TSTD2: variants seen among roughly 807,000 people sequenced by gnomAD.
TSTD2 encodes thiosulfate sulfurtransferase like domain containing 2.
TSTD2 carries 37 observed loss-of-function variants against 47.9 expected under a neutral mutation model. The observed-to-expected ratio is 0.77, with a 90% CI of 0.59 to 1.02. TSTD2 has a LOEUF of 1.02. Among genes scored for constraint, TSTD2 ranks in the 50% least tolerant of loss-of-function variants. The probability of loss-of-function intolerance (pLI) is 0.00; values close to 1 mark genes in which losing one functional copy is unlikely to be tolerated. For synonymous variants in TSTD2, 201 were observed against 215.9 expected (o/e 0.93, Z 0.61); for missense variants, 586 against 616.0 (o/e 0.95, Z 0.52).
At chr9:97,621,925 G>A (rs774688789) in intron 3 of TSTD2, among the ~76,000 whole-genome samples, 3 of 151,988 alleles carry the variant, frequency 2.0e-5, no homozygotes, top group Admixed American at 6.6e-5. Context: ...TTCCCTTTTT[G>A]AAATCCCTAA....
chr9:97,604,857 G>A lies in TSTD2; in HGVS notation c.1122C>T (p.Cys374=), dbSNP rs766445974. ...CACCCTTGAGCTGGAACACCTCCTT[G>A]CACACTCCCTAGGTGTGGAAAAACA... is the stretch of plus-strand genomic sequence containing the variant. ...GSAYLKAKGV[C]KEVFQLKGGI... Residue 374 remains cysteine, a synonymous_variant, in exon 9 of 10, where the codon TGC becomes TGT. Coordinates refer to ENST00000341170, the MANE Select transcript of TSTD2 (RefSeq NM_139246.5). The A allele has an allele frequency of 1.2e-6, 2 of 1,613,972 alleles. No homozygotes were observed. The highest frequency in any genetic ancestry group is 1.1e-5 in the South Asian group (1 of 91,076).
rs1305889578 is a variant in TSTD2, at chr9:97,625,698, G to A, written c.465C>T (p.Asn155=). ...SAWLPDISCF[N]PDELISGQGS... ...AATCTTACCTTATCAGCTCATCAGG[G>A]TTAAAGCAGCTTATATCAGGGAGCC... The change falls in exon 3 of 10, where the codon AAC becomes AAT. Residue 155 remains asparagine (N), a synonymous_variant. Coordinates refer to ENST00000341170, the MANE Select transcript of TSTD2 (RefSeq NM_139246.5). 6.2e-7 allele frequency: 1 copy of A among 1,612,962 alleles called. No individual in the cohort carries two copies. Among genetic ancestry groups the A allele is most frequent in the Admixed American group, 1.7e-5 (1 of 59,858 alleles).
chr9:97,604,969 A>T (rs761471653), intron 8 of TSTD2, 104 bp from the exon 9 acceptor site: 84 of 1,501,110 alleles, frequency 5.6e-5, no homozygotes, highest in Non-Finnish European at 6.9e-5. Flanking sequence ...TAGAGGACTC[A>T]TGGCCGCTGC....
chr9:97,621,725 G>A (rs1826640285), intron 3 of TSTD2, among the ~76,000 whole-genome samples: 1 of 152,148 alleles, frequency 6.6e-6, no homozygotes, highest in African/African-American at 2.4e-5. Flanking sequence ...CTGGTTCTGT[G>A]CTCTTGAACC....
At chr9:97,632,710 C>G (rs1298071341) in intron 1 of TSTD2, among the ~76,000 whole-genome samples, 3 of 152,194 alleles carry the variant, frequency 2.0e-5, no homozygotes, top group Non-Finnish European at 4.4e-5. Context: ...TTAAACAAAG[C>G]AGTAACACGA....
rs546277807 is a variant in TSTD2 at position 97,601,591 on chromosome 9, G to A, written c.*878C>T. ...TCAGATGAGCTGCTGGTCTAGATCAGGGGCTGGCAAACTTTTCTGTAAAAG... is the reference window on the plus strand; with the variant it reads ...TCAGATGAGCTGCTGGTCTAGATCAAGGGCTGGCAAACTTTTCTGTAAAAG... On this transcript the variant is annotated 3_prime_UTR_variant, in exon 10 of 10. Transcript: ENST00000341170. 8.1e-6 allele frequency: 8 copies of A among 987,086 alleles called. No homozygotes were observed. In the South Asian group the frequency reaches 3.3e-4, roughly 40 times the overall value. The allele number at this position is 987,086 out of a possible 1,614,324, so 61.1% of individuals were successfully genotyped here.
At position 97,624,930 on chromosome 9, in the gene TSTD2, C is replaced by CT. The variant is rs376001003; in HGVS notation, c.482+750dup. On this transcript the variant is annotated intron_variant, in intron 3 of 9. Transcript: ENST00000341170. ...ATATCTAGCTTAAAAGAAACCCCCC[C>CT]TTTTTTTTGCTTAGTTTTTCCTGCC... is the stretch of plus-strand genomic sequence containing the variant. Among the ~76,000 whole-genome samples, 677 of 151,868 alleles carry CT rather than the reference C, an allele frequency of 4.5e-3. 3 individuals are homozygous for CT. Among genetic ancestry groups the CT allele is most frequent in the African/African-American group, 0.012 (494 of 41,416 alleles).
intron 9 of TSTD2, 96 bp downstream of exon 9, chr9:97,604,631 T>G (rs1826332956): frequency 6.5e-7 from 1 of 1,546,758 alleles, no homozygotes; most frequent in Non-Finnish European, 8.8e-7. Flanking sequence ...TGCTCAGTAA[T>G]GAGCACTGGC....
chr9:97,623,197 G>C (rs1826667887), intron 3 of TSTD2, among the ~76,000 whole-genome samples: 3 of 152,190 alleles, frequency 2.0e-5, no homozygotes, highest in Admixed American at 2.0e-4. Flanking sequence ...TCTTGTGATA[G>C]TAAGTCTCAC....
intron 3 of TSTD2, among the ~76,000 whole-genome samples, chr9:97,623,918 G>T (rs1826678374): frequency 6.6e-6 from 1 of 152,062 alleles, no homozygotes; most frequent in African/African-American, 2.4e-5. Context: ...CTGCTGCACA[G>T]GCTATGGTCT....
At chr9:97,632,212 C>G (rs1000481249) in intron 1 of TSTD2, among the ~76,000 whole-genome samples, 2 of 152,194 alleles carry the variant, frequency 1.3e-5, no homozygotes, top group Non-Finnish European at 2.9e-5. Context: ...AAGAGCCAGC[C>G]ACGCAGATTT....
At chr9:97,605,448 T>G in intron 8 of TSTD2, 35 bp downstream of exon 8, 1 of 1,608,584 alleles carries the variant, frequency 6.2e-7, no homozygotes, top group South Asian at 1.1e-5. Context: ...CCTCCTTCAC[T>G]GCCATGCCCA....
Position 97,600,808 on chromosome 9 carries a change from G to A in TSTD2, c.*1661C>T. On this transcript the variant is annotated 3_prime_UTR_variant, in exon 10 of 10. Coordinates refer to ENST00000341170, the MANE Select transcript of TSTD2 (RefSeq NM_139246.5). ...AAATGTAGTATTAGTACTGCTGCCA[G>A]ATCTCTTTTTAACATCATGTGCGTC... 9.3e-7 allele frequency: 1 copy of A among 1,076,770 alleles called. No individual in the cohort carries two copies. Among genetic ancestry groups the A allele is most frequent in the Non-Finnish European group, 1.1e-6 (1 of 882,018 alleles). 66.7% of individuals were successfully genotyped at this position (1,076,770 alleles called of 1,614,324 possible).
intron 6 of TSTD2, 38 bp from the exon 7 acceptor site, chr9:97,606,299 CAAAA>C (rs759447379): frequency 7.6e-7 from 1 of 1,321,808 alleles, no homozygotes; most frequent in East Asian, 2.3e-5. Flanking sequence ...AAAACAAAGA[CAAAA>C]AAACCAAAAC....
chr9:97,610,069 T>A, intron 6 of TSTD2: 1 of 251,740 alleles, frequency 4.0e-6, no homozygotes, highest in Non-Finnish European at 7.6e-6. Flanking sequence ...ATAATTACAC[T>A]CTTCCCAAAC....
chr9:97,613,426 C>T (rs937886836), intron 4 of TSTD2, among the ~76,000 whole-genome samples: 1 of 152,130 alleles, frequency 6.6e-6, no homozygotes, highest in African/African-American at 2.4e-5. Flanking sequence ...AATATGCATC[C>T]ATATCTGGGG....
chr9:97,604,558 T>C, intron 9 of TSTD2, 169 bp downstream of exon 9: 9 of 1,017,892 alleles, frequency 8.8e-6, no homozygotes, highest in Non-Finnish European at 1.2e-5. Flanking sequence ...TGGGCTAGGG[T>C]TCTCTCAGCT....
chr9:97,601,441 C>T lies in TSTD2; in HGVS notation c.*1028G>A, dbSNP rs1227018855. Reference sequence around the variant, plus strand: ...GCTTATATGAAGCTCCCAGAGAGAACATTTAAAAGCTCAGAGAGTAAGTGC... The same window carrying T: ...GCTTATATGAAGCTCCCAGAGAGAATATTTAAAAGCTCAGAGAGTAAGTGC... On this transcript the variant is annotated 3_prime_UTR_variant, in exon 10 of 10. Transcript: ENST00000341170. The T allele has an allele frequency of 9.8e-7, 1 of 1,019,484 alleles. No homozygotes were observed. The highest frequency in any genetic ancestry group is 1.1e-4 in the East Asian group (1 of 9,398). The allele number at this position is 1,019,484 out of a possible 1,614,324, so 63.2% of individuals were successfully genotyped here.
intron 8 of TSTD2, among the ~76,000 whole-genome samples, chr9:97,605,082 T>C (rs1354866478): frequency 6.6e-6 from 1 of 151,952 alleles, no homozygotes; most frequent in East Asian, 1.9e-4. Context: ...GGGGGATGGG[T>C]GATGACAGCA....
Sources: allele counts gnomAD v4.1 joint callset (sites outside exome capture counted in the v4.1 genomes callset), GRCh38; gene constraint gnomAD v4.1.1; transcripts MANE v1.5; gene names NCBI Gene and HGNC (gene_info 2026-07-23, HGNC 2026-07-21).